ELAPOR1: variants seen among roughly 807,000 people sequenced by gnomAD.
ELAPOR1 encodes endosome/lysosome-associated apoptosis and autophagy regulator 1.
A neutral mutation model predicts 119.7 loss-of-function variants in ELAPOR1; 77 were observed. The observed-to-expected ratio is 0.64, with a 90% confidence interval of 0.54 to 0.78. The LOEUF (loss-of-function observed/expected upper bound fraction) is 0.78. ELAPOR1 is among the 30% of genes least tolerant of loss of function. The pLI, the probability that ELAPOR1 is intolerant of heterozygous loss-of-function variation, is 0.00. For missense variants in ELAPOR1, 1,115 were observed against 1,270.4 expected (o/e 0.88, Z 1.86); for synonymous variants, 481 against 487.2 (o/e 0.99, Z 0.17).
At chr1:109,171,257 C>A (rs1296131618) in intron 3 of ELAPOR1, among the ~76,000 whole-genome samples, 1 of 152,088 alleles carries the variant, frequency 6.6e-6, no homozygotes, top group East Asian at 1.9e-4. Flanking sequence ...ATAAATGTTA[C>A]CCCTCCCTGA....
chr1:109,197,779 T>C (rs1421057997), intron 16 of ELAPOR1, 125 bp downstream of exon 16: 1 of 1,129,302 alleles, frequency 8.9e-7, no homozygotes, highest in African/African-American at 1.6e-5. Context: ...GGGCCCAACC[T>C]CTTGACCTGT....
rs138864240 is a variant in ELAPOR1, at chr1:109,197,671, C to T, written c.2302+17C>T. On this transcript the variant is annotated intron_variant, in intron 16 of 21. Coordinates refer to ENST00000369939, the MANE Select transcript of ELAPOR1 (RefSeq NM_020775.5). ...GACTTATTGGTGAGTAACTCCGCTG[C>T]CTCAGCCTTGTTTGAGAGTGTGTGT... 1,245 of 1,589,622 alleles carry T rather than the reference C, an allele frequency of 7.8e-4. 12 individuals carry two copies. In the African/African-American group the frequency reaches 0.015, roughly 19 times the overall value.
chr1:109,181,195 C>G (rs1430707026), intron 7 of ELAPOR1, among the ~76,000 whole-genome samples: 1 of 152,126 alleles, frequency 6.6e-6, no homozygotes, highest in East Asian at 1.9e-4. Context: ...CTGAAACCCT[C>G]AGGAGAAATG....
intron 15 of ELAPOR1, among the ~76,000 whole-genome samples, chr1:109,194,829 C>G (rs1400666776): frequency 6.6e-6 from 1 of 152,222 alleles, no homozygotes; most frequent in Non-Finnish European, 1.5e-5. Flanking sequence ...TGCCGGGTGC[C>G]TGGTGCGGTG....
At chr1:109,144,059 ATATT>A (rs1650014632) in intron 1 of ELAPOR1, among the ~76,000 whole-genome samples, 1 of 34,408 alleles carries the variant, frequency 2.9e-5, no homozygotes, top group African/African-American at 7.7e-5. Context: ...ATATATTTAT[ATATT>A]TTTTTTTTTT....
intron 1 of ELAPOR1, among the ~76,000 whole-genome samples, chr1:109,152,058 A>G (rs1650566643): frequency 6.6e-6 from 1 of 152,000 alleles, no homozygotes; most frequent in Admixed American, 6.5e-5. Context: ...ATTTTTTTGT[A>G]GAGCAGGGTT....
At chr1:109,191,178 A>G (rs542072565) in intron 11 of ELAPOR1, among the ~76,000 whole-genome samples, 188 bp from the exon 12 acceptor site, 1 of 152,096 alleles carries the variant, frequency 6.6e-6, no homozygotes, top group Non-Finnish European at 1.5e-5. Context: ...CATTTTACAG[A>G]TAAGGAAACC....
At chr1:109,198,479 G>A in intron 17 of ELAPOR1, 94 bp from the exon 18 acceptor site, 1 of 1,140,280 alleles carries the variant, frequency 8.8e-7, no homozygotes, top group Admixed American at 2.2e-5. Context: ...GACTTCCCCA[G>A]CAAGGGAATT....
intron 1 of ELAPOR1, among the ~76,000 whole-genome samples, chr1:109,158,216 T>A (rs900506306): frequency 6.6e-6 from 1 of 152,092 alleles, no homozygotes; most frequent in Non-Finnish European, 1.5e-5. Context: ...TAATCATTTT[T>A]AAAAGTAACA....
chr1:109,134,703 C>G (rs752004607), intron 1 of ELAPOR1, among the ~76,000 whole-genome samples: 5 of 152,092 alleles, frequency 3.3e-5, no homozygotes, highest in African/African-American at 1.2e-4. Context: ...GTTTCACCTT[C>G]GTCATTACAA....
intron 7 of ELAPOR1, among the ~76,000 whole-genome samples, chr1:109,181,502 C>T (rs1169167431): frequency 6.6e-6 from 1 of 152,194 alleles, no homozygotes; most frequent in Non-Finnish European, 1.5e-5. Context: ...ACCACCTTAA[C>T]AGGGATCAGT....
chr1:109,130,596 C>A (rs1300931159), intron 1 of ELAPOR1, among the ~76,000 whole-genome samples: 10 of 151,946 alleles, frequency 6.6e-5, no homozygotes, highest in African/African-American at 2.4e-4. Flanking sequence ...ATCCTGGCAC[C>A]TCGGCCTCCC....
intron 5 of ELAPOR1, among the ~76,000 whole-genome samples, chr1:109,173,085 G>A (rs1208868310): frequency 2.7e-5 from 3 of 112,436 alleles, no homozygotes; most frequent in East Asian, 2.9e-4. Context: ...CAACAAAAGC[G>A]AAACTCTGTC....
Position 109,204,634 on chromosome 1 carries a change from TG to T in ELAPOR1, c.*1623del, listed in dbSNP as rs1654384356. On this transcript the variant is annotated 3_prime_UTR_variant, in exon 22 of 22. Transcript: ENST00000369939. ...TGGCATGGGCCTGAGGTGGCCGTGA[TG>T]TCTGCTTCTAAGCTTAACGCATCTG... is the stretch of plus-strand genomic sequence containing the variant. 6.6e-6 allele frequency: 1 copy of T among 152,332 alleles called. No individual in the cohort carries two copies. The highest frequency in any genetic ancestry group is 2.1e-4 in the South Asian group (1 of 4,838). 9.4% of individuals were successfully genotyped at this position (152,332 alleles called of 1,614,324 possible).
In ELAPOR1 at chr1:109,197,475, G is replaced by A; in HGVS notation, c.2123G>A (p.Gly708Asp). The change falls in exon 16 of 22, where the codon GGT becomes GAT. Residue 708 changes from glycine (G) to aspartate (D), a missense_variant and splice_region_variant. Physicochemically the swap from Gly to Asp is moderately conservative, Grantham distance 94. Transcript: ENST00000369939. Reference protein sequence around the residue: ...HFTLSLCGNQGRKMSVCTDNV... With the variant: ...HFTLSLCGNQDRKMSVCTDNV... ...TCTTCCTCCCCACTCCCCAACCAGG[G>A]TAGGAAAATGTCTGTGTGCACCGAC... The A allele has an allele frequency of 6.2e-7, 1 of 1,613,774 alleles. No homozygotes were observed. The highest frequency in any genetic ancestry group is 8.5e-7 in the Non-Finnish European group (1 of 1,179,818).
At chr1:109,184,040 G>A (rs557221392) in intron 7 of ELAPOR1, among the ~76,000 whole-genome samples, 11 of 151,988 alleles carry the variant, frequency 7.2e-5, no homozygotes, top group African/African-American at 2.2e-4. Flanking sequence ...CTCAGCAACA[G>A]AACAAGACTC....
chr1:109,136,813 T>C lies in ELAPOR1; in HGVS notation c.153+22477T>C, dbSNP rs150000688. On this transcript the variant is annotated intron_variant, in intron 1 of 21. Transcript: ENST00000369939. ...GGAATTCTTCAAAATAGTCATGGAG[T>C]GTCTGTTTGCAGGCAAAGCACATTT... Among the ~76,000 whole-genome samples the C allele has an allele frequency of 1.7e-3, 261 of 152,282 alleles. 1 individual carries two copies. The highest frequency in any genetic ancestry group is 5.9e-3 in the African/African-American group (247 of 41,554).
At chr1:109,146,377 G>A (rs1159734773) in intron 1 of ELAPOR1, among the ~76,000 whole-genome samples, 1 of 151,868 alleles carries the variant, frequency 6.6e-6, no homozygotes, top group Non-Finnish European at 1.5e-5. Context: ...AGGCCAGGAA[G>A]AAAAAGATAA....
At chr1:109,187,240 G>A in intron 8 of ELAPOR1, 3 of 985,414 alleles carry the variant, frequency 3.0e-6, no homozygotes, top group Non-Finnish European at 2.4e-6. Flanking sequence ...GAGACAGTTT[G>A]CCAGCTCCTA....
Sources: gnomAD v4.1 joint callset for allele counts (sites outside exome capture counted in the v4.1 genomes callset) on GRCh38, gnomAD v4.1.1 for gene constraint, MANE v1.5 for transcripts, NCBI Gene and HGNC (gene_info 2026-07-23, HGNC 2026-07-21) for gene names.